Variants in CEACAM8 observed in about 807,000 individuals in gnomAD.
The protein encoded by CEACAM8 is cell adhesion molecule CEACAM8.
A neutral mutation model predicts 33.4 loss-of-function variants in CEACAM8; 31 were observed. The observed-to-expected ratio is 0.93, with a 90% CI of 0.70 to 1.25. The LOEUF (loss-of-function observed/expected upper bound fraction) is 1.25. Among genes scored for constraint, CEACAM8 ranks in the 50% most tolerant of loss-of-function variants. CEACAM8 has a pLI of 0.00. For synonymous variants in CEACAM8, 138 were observed against 164.5 expected, an observed-to-expected ratio of 0.84 and a Z score of 1.23; for missense variants, 388 against 434.6, an observed-to-expected ratio of 0.89 and a Z score of 0.95.
At position 42,583,268 on chromosome 19, in the gene CEACAM8, A is replaced by G. The variant is rs764065326; in HGVS notation, c.1028T>C (p.Leu343Pro). The change falls in exon 5 of 6, where the codon CTG becomes CCG. Residue 343 changes from leucine to proline, a missense_variant. Coordinates refer to ENST00000244336, the MANE Select transcript of CEACAM8 (RefSeq NM_001816.4). ...CTACTATATCAGAGCCACCCTGGCC[A>G]GTACTCCAATCATGATGCTGACAGT... Reference protein sequence around the residue: ...RATVSIMIGVLARVALI With the variant: ...RATVSIMIGVPARVALI 2 of 1,612,428 alleles carry G rather than the reference A, an allele frequency of 1.2e-6. No homozygotes were observed. The highest frequency in any genetic ancestry group is 1.1e-5 in the South Asian group (1 of 91,034).
At chr19:42,594,680 T>A in intron 1 of CEACAM8, 85 bp downstream of exon 1, 1 of 1,100,472 alleles carries the variant, frequency 9.1e-7, no homozygotes, top group South Asian at 1.2e-5. Context: ...CTCTGTCCCC[T>A]CTCAGAGCCC....
chr19:42,582,250 T>A (rs973866778), intron 5 of CEACAM8, among the ~76,000 whole-genome samples: 10 of 152,018 alleles, frequency 6.6e-5, no homozygotes, highest in Non-Finnish European at 1.2e-4. Context: ...GAGCATCATT[T>A]AAAAAAACAT....
At chr19:42,591,849 G>A (rs1261283707) in intron 2 of CEACAM8, among the ~76,000 whole-genome samples, 1 of 152,206 alleles carries the variant, frequency 6.6e-6, no homozygotes, top group Non-Finnish European at 1.5e-5. Flanking sequence ...GAACGATCGA[G>A]TGTGTGTCAC....
intron 2 of CEACAM8, 135 bp from the exon 3 acceptor site, chr19:42,589,870 C>T: frequency 6.6e-7 from 1 of 1,518,860 alleles, no homozygotes; most frequent in Non-Finnish European, 8.9e-7. Context: ...GTGTGTGTGT[C>T]ACAAGACAGA....
At chr19:42,589,312 G>C in intron 3 of CEACAM8, 145 bp downstream of exon 3, 3 of 1,322,624 alleles carry the variant, frequency 2.3e-6, no homozygotes, top group Non-Finnish European at 3.2e-6. Flanking sequence ...ATGTTTGCCT[G>C]GGGCAGAAAG....
intron 5 of CEACAM8, 32 bp from the exon 6 acceptor site, chr19:42,581,385 G>T (rs1052816791): frequency 1.1e-4 from 16 of 152,160 alleles, no homozygotes; most frequent in Admixed American, 3.9e-4. Context: ...AATGACTATG[G>T]TTAAAACTCT....
intron 1 of CEACAM8, 71 bp downstream of exon 1, chr19:42,594,694 C>T: frequency 7.9e-7 from 1 of 1,262,394 alleles, no homozygotes; most frequent in South Asian, 1.2e-5. Context: ...AGAGCCCCGT[C>T]CTCCCCAGGA....
At chr19:42,587,320 T>C (rs1225413987) in intron 4 of CEACAM8, among the ~76,000 whole-genome samples, 1 of 152,148 alleles carries the variant, frequency 6.6e-6, no homozygotes, top group Non-Finnish European at 1.5e-5. Flanking sequence ...AGTCACACAA[T>C]AGCCAAAAGG....
At chr19:42,586,061 A>G (rs745771008) in intron 4 of CEACAM8, among the ~76,000 whole-genome samples, 1 of 152,326 alleles carries the variant, frequency 6.6e-6, no homozygotes, top group South Asian at 2.1e-4. Flanking sequence ...TATTCTGAAA[A>G]CTAGAAAACA....
chr19:42,589,224 CAGA>C (rs1440465396), intron 3 of CEACAM8, among the ~76,000 whole-genome samples, 186 bp from the exon 4 acceptor site: 1 of 152,224 alleles, frequency 6.6e-6, no homozygotes, highest in Non-Finnish European at 1.5e-5. Flanking sequence ...TTTCTCCCAT[CAGA>C]AGATGTGGAC....
rs374008915 is a variant in CEACAM8 at position 42,589,064 on chromosome 19, G to T, written c.704-26C>A. The T allele has an allele frequency of 2.5e-5, 40 of 1,597,832 alleles. No homozygotes were observed. The African/African-American group carries it at 5.1e-4, about 20-fold the overall frequency. Reference sequence around the variant, plus strand: ...CTAGAGCAAAAGAATAAAGTCACAGGTGATGTCATCAGAGGGAAGGGGAAG... The same window carrying T: ...CTAGAGCAAAAGAATAAAGTCACAGTTGATGTCATCAGAGGGAAGGGGAAG... On this transcript the variant is annotated intron_variant, in intron 3 of 5. Coordinates refer to ENST00000244336, the MANE Select transcript of CEACAM8 (RefSeq NM_001816.4).
Position 42,580,283 on chromosome 19 carries a change from A to G in CEACAM8, c.*1111T>C, listed in dbSNP as rs953068129. ...GAGCAATTTTATTATCTAGCATTGC[A>G]TGCCTGGGTTAAATTAAAACAGACA... On this transcript the variant is annotated 3_prime_UTR_variant, in exon 6 of 6. Transcript: ENST00000244336. 1 of 152,242 alleles carries G rather than the reference A, an allele frequency of 6.6e-6. No homozygotes were observed. Among genetic ancestry groups the G allele is most frequent in the East Asian group, 1.9e-4 (1 of 5,204 alleles). The allele number at this position is 152,242 out of a possible 1,614,324, so 9.4% of individuals were successfully genotyped here. A position where few individuals can be genotyped will look rare whatever the true frequency, so the allele number is the denominator to read the frequency against.
In CEACAM8 at chr19:42,588,962, A is replaced by T. The variant is rs776631907; in HGVS notation, c.780T>A (p.His260Gln). Residue 260 changes from histidine to glutamine, a missense_variant, in exon 4 of 6, where the codon CAT becomes CAA. Transcript: ENST00000244336. Reference protein sequence around the residue: ...HAGVNLNLSCHAASNPPSQYS... With the variant: ...HAGVNLNLSCQAASNPPSQYS... ...ACTGTGAGGGTGGATTAGAGGCCGCATGGCAGGAGAGGTTGAGATTTACCC... is the reference window on the plus strand; with the variant it reads ...ACTGTGAGGGTGGATTAGAGGCCGCTTGGCAGGAGAGGTTGAGATTTACCC... The T allele has an allele frequency of 8.7e-6, 14 of 1,614,094 alleles. No homozygotes were observed. The highest frequency in any genetic ancestry group is 1.2e-5 in the Non-Finnish European group (14 of 1,180,038).
In CEACAM8 at chr19:42,588,885, A is replaced by T. The variant is rs747746256; in HGVS notation, c.857T>A (p.Ile286Asn). 1 of 1,614,112 alleles carries T rather than the reference A, an allele frequency of 6.2e-7. No individual in the cohort carries two copies. Among genetic ancestry groups the T allele is most frequent in the Admixed American group, 1.7e-5 (1 of 60,016 alleles). Residue 286 changes from isoleucine (I) to asparagine (N), a missense_variant, in exon 4 of 6, where the codon ATC (isoleucine) becomes AAC (asparagine). Physicochemically the swap from Ile to Asn is moderately radical, Grantham distance 149 (BLOSUM62 -3). Coordinates refer to ENST00000244336, the MANE Select transcript of CEACAM8 (RefSeq NM_001816.4). ...TFQQYTQKLF[I>N]PNITTKNSGS... is the part of the protein sequence containing the mutation. Reference sequence around the variant, plus strand: ...GCTGTTCTTTGTAGTGATGTTGGGGATAAAGAGCTTTTGTGTGTATTGCTG... The same window carrying T: ...GCTGTTCTTTGTAGTGATGTTGGGGTTAAAGAGCTTTTGTGTGTATTGCTG...
intron 3 of CEACAM8, 25 bp from the exon 4 acceptor site, chr19:42,589,063 G>C: frequency 6.3e-7 from 1 of 1,598,708 alleles, no homozygotes; most frequent in Non-Finnish European, 8.5e-7. Context: ...TAAAGTCACA[G>C]GTGATGTCAT....
At chr19:42,591,370 G>A (rs1179354497) in intron 2 of CEACAM8, among the ~76,000 whole-genome samples, 1 of 152,178 alleles carries the variant, frequency 6.6e-6, no homozygotes, top group Non-Finnish European at 1.5e-5. Context: ...CCAGGTAGAG[G>A]GAGGCACGTG....
At chr19:42,591,545 G>C (rs761576245) in intron 2 of CEACAM8, among the ~76,000 whole-genome samples, 6 of 152,174 alleles carry the variant, frequency 3.9e-5, no homozygotes, top group Non-Finnish European at 5.9e-5. Flanking sequence ...AAATTGGGAG[G>C]AGCCCAAAAC....
intron 5 of CEACAM8, 170 bp downstream of exon 5, chr19:42,583,036 T>C (rs775010372): frequency 2.2e-5 from 12 of 551,018 alleles, no homozygotes; most frequent in Non-Finnish European, 3.6e-5. Flanking sequence ...TAAGAGACAG[T>C]GGGGTACAGG....
At chr19:42,584,183 T>TATTTACCTA (rs2147855855) in intron 4 of CEACAM8, among the ~76,000 whole-genome samples, 1 of 148,108 alleles carries the variant, frequency 6.8e-6, no homozygotes, top group East Asian at 1.9e-4. Flanking sequence ...TATGTGTGTG[T>TATTTACCTA]ATTTACCTAA....
Sources: gnomAD v4.1 joint callset for allele counts (sites outside exome capture counted in the v4.1 genomes callset) on GRCh38, gnomAD v4.1.1 for gene constraint, MANE v1.5 for transcripts, NCBI Gene and HGNC (gene_info 2026-07-23, HGNC 2026-07-21) for gene names.